GINS3: variants seen among roughly 807,000 people sequenced by gnomAD.
GINS3 encodes the protein DNA replication complex GINS protein PSF3.
GINS3 carries 18 observed loss-of-function variants against 20.0 expected under a neutral mutation model. The ratio of observed to expected loss-of-function variants is 0.90; its 90% CI spans 0.62 to 1.33. GINS3 has a LOEUF of 1.33. Among genes scored for constraint, GINS3 ranks in the 40% most tolerant of loss-of-function variants. The pLI is 0.00. For missense variants in GINS3, 254 were observed against 273.6 expected (o/e 0.93, Z 0.51); for synonymous variants, 109 against 107.0 (o/e 1.02, Z -0.12).
chr16:58,403,290 G>A lies in GINS3; in HGVS notation c.379G>A (p.Asp127Asn), dbSNP rs762306206. 3.7e-6 allele frequency: 6 copies of A among 1,614,072 alleles called. No individual in the cohort carries two copies. The highest frequency in any genetic ancestry group is 5.1e-6 in the Non-Finnish European group (6 of 1,180,022). ...YGFGSQLLHF[D>N]SPENADISQS... Reference sequence around the variant, plus strand: ...GTTTGGCTCCCAGCTCCTGCATTTTGACAGTCCCGAGAATGCAGACATTTC... The same window carrying A: ...GTTTGGCTCCCAGCTCCTGCATTTTAACAGTCCCGAGAATGCAGACATTTC... The change falls in exon 2 of 3, where the codon GAC (aspartate) becomes AAC (asparagine). Residue 127 changes from aspartate (D) to asparagine (N), a missense_variant. By Grantham distance (23) the Asp-to-Asn change is conservative (BLOSUM62 1). Coordinates refer to ENST00000318129, the MANE Select transcript of GINS3 (RefSeq NM_022770.4).
intron 1 of GINS3, among the ~76,000 whole-genome samples, chr16:58,397,060 G>T (rs182831421): frequency 2.0e-5 from 3 of 149,610 alleles, no homozygotes; most frequent in South Asian, 2.1e-4. Flanking sequence ...CTGGCCGGGC[G>T]GGGGGCTGAC....
At chr16:58,395,230 C>A in intron 1 of GINS3, 1 of 397,230 alleles carries the variant, frequency 2.5e-6, no homozygotes, top group South Asian at 1.3e-4. Flanking sequence ...TACATGCCAC[C>A]ATGTCCAGCT....
intron 1 of GINS3, among the ~76,000 whole-genome samples, chr16:58,397,793 C>T (rs1303302061): frequency 2.0e-5 from 3 of 151,590 alleles, no homozygotes; most frequent in East Asian, 1.9e-4. Flanking sequence ...AGAGGGAGAC[C>T]GTGGAAAGAG....
At chr16:58,398,623 T>C (rs1965914949) in intron 1 of GINS3, among the ~76,000 whole-genome samples, 1 of 152,182 alleles carries the variant, frequency 6.6e-6, no homozygotes, top group Non-Finnish European at 1.5e-5. Context: ...AGAAAATAAA[T>C]AAAAATTTTA....
At chr16:58,399,417 A>G (rs1187177058) in intron 1 of GINS3, among the ~76,000 whole-genome samples, 2 of 152,106 alleles carry the variant, frequency 1.3e-5, no homozygotes, top group Non-Finnish European at 2.9e-5. Flanking sequence ...TGACCCTTTT[A>G]TTATTGTCAC....
At chr16:58,395,126 G>A (rs1424676717) in intron 1 of GINS3, 2 of 541,456 alleles carry the variant, frequency 3.7e-6, no homozygotes, top group South Asian at 2.6e-5. Flanking sequence ...GCCCAGGCTG[G>A]AGTGCAGTGG....
intron 1 of GINS3, among the ~76,000 whole-genome samples, chr16:58,396,668 ACCCCCCGACCTCC>A (rs1965870894): frequency 1.5e-4 from 12 of 80,380 alleles, no homozygotes; most frequent in African/African-American, 5.4e-4. Context: ...CGGTGGGCTG[ACCCCCCGACCTCC>A]CTCCCGGACG....
intron 2 of GINS3, chr16:58,403,924 C>T (rs1965990871): frequency 6.3e-6 from 1 of 159,408 alleles, no homozygotes; most frequent in Non-Finnish European, 1.4e-5. Context: ...AGCTACTTGA[C>T]CTCTCTAGAC....
At chr16:58,401,602 G>A (rs912814366) in intron 1 of GINS3, among the ~76,000 whole-genome samples, 1 of 152,216 alleles carries the variant, frequency 6.6e-6, no homozygotes, top group African/African-American at 2.4e-5. Flanking sequence ...CCTTTAGCTA[G>A]ATACAGAGCA....
At position 58,395,201 on chromosome 16, in the gene GINS3, A is replaced by T. The variant is rs567305405; in HGVS notation, c.186+2414A>T. On this transcript the variant is annotated intron_variant, in intron 1 of 2. Transcript: ENST00000318129. ...AGAGATCCTCCCACCTCAGCCACCT[A>T]TGTGGCTGGTATTGCAGGTACATGC... is the stretch of plus-strand genomic sequence containing the variant. 1.2e-5 allele frequency: 5 copies of T among 405,814 alleles called. No individual in the cohort carries two copies. The Admixed American group carries it at 1.3e-4, about 11-fold the overall frequency. The allele number at this position is 405,814 out of a possible 1,614,324, so 25.1% of individuals were successfully genotyped here.
intron 1 of GINS3, among the ~76,000 whole-genome samples, chr16:58,397,437 T>C (rs1467597488): frequency 6.6e-6 from 1 of 150,518 alleles, no homozygotes; most frequent in Non-Finnish European, 1.5e-5. Flanking sequence ...TCTCGGCACT[T>C]TGGGGGGCCA....
chr16:58,392,586 A>T lies in GINS3; in HGVS notation c.-16A>T. 1 of 1,612,692 alleles carries T rather than the reference A, an allele frequency of 6.2e-7. No homozygotes were observed. The highest frequency in any genetic ancestry group is 8.5e-7 in the Non-Finnish European group (1 of 1,178,832). On this transcript the variant is annotated 5_prime_UTR_variant, in exon 1 of 3. It adds an upstream start codon to the 5' untranslated region. Transcript: ENST00000318129. ...CGAATCACGCGAGTGGAAGCGGAGA[A>T]GCTCAAGTGGCCGCCATGTCAGAGG...
chr16:58,397,334 C>G (rs1322468512), intron 1 of GINS3, among the ~76,000 whole-genome samples: 2 of 148,732 alleles, frequency 1.3e-5, no homozygotes, highest in African/African-American at 5.1e-5. Context: ...GGATGGCGGC[C>G]GGGCAGAGAC....
At chr16:58,394,617 G>C (rs551006323) in intron 1 of GINS3, among the ~76,000 whole-genome samples, 1 of 152,214 alleles carries the variant, frequency 6.6e-6, no homozygotes. Flanking sequence ...AAAGTACTGG[G>C]ATTACAGGCG....
intron 1 of GINS3, chr16:58,395,365 T>A (rs1180540544): frequency 5.2e-6 from 1 of 190,834 alleles, no homozygotes; most frequent in Non-Finnish European, 1.0e-5. Flanking sequence ...CATTCTTGGG[T>A]GTTTCTCGCA....
chr16:58,400,611 A>G (rs978027230), intron 1 of GINS3, among the ~76,000 whole-genome samples: 5 of 152,220 alleles, frequency 3.3e-5, no homozygotes, highest in African/African-American at 1.2e-4. Context: ...AGGCCTTGCT[A>G]AGATAGCAGC....
chr16:58,399,882 A>T (rs1965931974), intron 1 of GINS3, among the ~76,000 whole-genome samples: 1 of 152,250 alleles, frequency 6.6e-6, no homozygotes, highest in Non-Finnish European at 1.5e-5. Flanking sequence ...CTAGAATCTT[A>T]GAACACTTAA....
At chr16:58,400,644 C>T (rs1596960275) in intron 1 of GINS3, among the ~76,000 whole-genome samples, 1 of 152,154 alleles carries the variant, frequency 6.6e-6, no homozygotes, top group African/African-American at 2.4e-5. Flanking sequence ...GTGTATCTTT[C>T]CTGCATACTT....
At chr16:58,395,083 T>C (rs1965831386) in intron 1 of GINS3, 1 of 574,874 alleles carries the variant, frequency 1.7e-6, no homozygotes, top group Non-Finnish European at 3.0e-6. Context: ...CTAATTTTTT[T>C]TTTTTTTTTT....
Sources: allele counts gnomAD v4.1 joint callset (sites outside exome capture counted in the v4.1 genomes callset), GRCh38; gene constraint gnomAD v4.1.1; transcripts MANE v1.5; gene names NCBI Gene and HGNC (gene_info 2026-07-23, HGNC 2026-07-21).